COL4A6: variants seen among roughly 807,000 people sequenced by gnomAD.
COL4A6 encodes collagen type IV alpha 6 chain.
A neutral mutation model predicts 126.7 loss-of-function variants in COL4A6; 59 were observed. That is an observed-to-expected ratio of 0.47 (90% CI 0.38 to 0.58). The LOEUF is 0.58. Ranked by LOEUF, COL4A6 falls within the 20% of genes least tolerant of loss-of-function variation. The pLI is 0.00. For missense variants in COL4A6, 1,285 were observed against 1,337.3 expected, an observed-to-expected ratio of 0.96 and a Z score of 0.61; for synonymous variants, 547 against 496.6, an observed-to-expected ratio of 1.10 and a Z score of -1.35.
chrX:108,272,448 C>T (rs762857701), intron 3 of COL4A6, among the ~76,000 whole-genome samples: 2 of 111,573 alleles, frequency 1.8e-5, no homozygotes, highest in Non-Finnish European at 3.8e-5. Flanking sequence ...AAACCACTTC[C>T]TTTGCCTAAA....
At position 108,437,914 on chromosome X, in the gene COL4A6, C is replaced by T. The variant is rs371880434; in HGVS notation, c.63+28G>A. ...TGGTTAGAGGGTCAAAGGAGGGGGA[C>T]GGAAAAGGGTCGTGAGAAGAGACTC... On this transcript the variant is annotated intron_variant, in intron 2 of 44. Coordinates refer to ENST00000334504, the MANE Select transcript of COL4A6 (RefSeq NM_033641.4). The T allele has an allele frequency of 3.2e-5, 39 of 1,206,146 alleles. No homozygotes were observed. The African/African-American group carries it at 6.0e-4, about 19-fold the overall frequency.
chrX:108,222,629 AG>A (rs1298424320), intron 3 of COL4A6, among the ~76,000 whole-genome samples: 1 of 111,768 alleles, frequency 8.9e-6, no homozygotes, highest in Non-Finnish European at 1.9e-5. Flanking sequence ...AGGAAGTAAA[AG>A]ATGCTCTGTC....
At chrX:108,434,053 C>A (rs1050262579) in intron 2 of COL4A6, among the ~76,000 whole-genome samples, 1 of 111,857 alleles carries the variant, frequency 8.9e-6, no homozygotes, top group Non-Finnish European at 1.9e-5. Context: ...ATACTTTACT[C>A]CAGTCATATG....
intron 3 of COL4A6, among the ~76,000 whole-genome samples, chrX:108,277,753 G>C (rs2037657838): frequency 8.9e-6 from 1 of 111,847 alleles, no homozygotes; most frequent in African/African-American, 3.3e-5. Context: ...AGCAGGGGCA[G>C]ACTGACACCT....
At chrX:108,367,799 C>G (rs2040237846) in intron 2 of COL4A6, among the ~76,000 whole-genome samples, 1 of 111,253 alleles carries the variant, frequency 9.0e-6, no homozygotes, top group African/African-American at 3.3e-5. Flanking sequence ...AAACAATTAT[C>G]AGTACTACTA....
intron 14 of COL4A6, among the ~76,000 whole-genome samples, chrX:108,196,190 C>T (rs1195157821): frequency 1.8e-5 from 2 of 110,888 alleles, no homozygotes; most frequent in Admixed American, 9.6e-5. Flanking sequence ...GAAAGCAAGG[C>T]AACACTTGCC....
chrX:108,168,444 G>A (rs1023411039), intron 37 of COL4A6, among the ~76,000 whole-genome samples: 1 of 111,988 alleles, frequency 8.9e-6, no homozygotes, highest in Non-Finnish European at 1.9e-5. Context: ...ATAGTCCCTC[G>A]GAAACATACA....
chrX:108,361,104 C>T (rs145066317), intron 2 of COL4A6, among the ~76,000 whole-genome samples: 1,622 of 110,960 alleles, frequency 0.015, 23 homozygotes, highest in African/African-American at 0.051. Context: ...CCCCATGACC[C>T]CTCCATGCAA....
rs186189661 is a variant in COL4A6, at chrX:108,213,907, G to C, written c.441+205C>G. ...ATTAAAAAAAAGGCAACCCTAAGCA[G>C]TGTAGCATGTGCACACCCCACTGCA... is the stretch of plus-strand genomic sequence containing the variant. On this transcript the variant is annotated intron_variant, in intron 6 of 44. Coordinates refer to ENST00000334504, the MANE Select transcript of COL4A6 (RefSeq NM_033641.4). The C allele has an allele frequency of 4.7e-5, 19 of 401,639 alleles. No individual in the cohort carries two copies. The East Asian group carries it at 7.3e-4, about 15-fold the overall frequency. The allele number at this position is 401,639 out of a possible 1,213,427, so 33.1% of individuals were successfully genotyped here. A position where few individuals can be genotyped will look rare whatever the true frequency, so the allele number is the denominator to read the frequency against.
intron 2 of COL4A6, among the ~76,000 whole-genome samples, chrX:108,366,346 A>G (rs1473753385): frequency 8.9e-6 from 1 of 112,052 alleles, no homozygotes; most frequent in Non-Finnish European, 1.9e-5. Context: ...TACCACTGCA[A>G]AGTGATTTTG....
intron 23 of COL4A6, among the ~76,000 whole-genome samples, chrX:108,184,462 G>A (rs988998726): frequency 5.4e-5 from 6 of 111,308 alleles, no homozygotes; most frequent in African/African-American, 1.3e-4. Flanking sequence ...TCTCTTTCTC[G>A]GGAGACTGGG....
At chrX:108,324,708 C>CT (rs1246635075) in intron 2 of COL4A6, among the ~76,000 whole-genome samples, 8 of 112,050 alleles carry the variant, frequency 7.1e-5, no homozygotes, top group African/African-American at 2.6e-4. Context: ...TGTTAATTAT[C>CT]TACAAGGCTT....
chrX:108,180,472 T>C (rs377292648), intron 25 of COL4A6, 43 bp downstream of exon 25: 6 of 955,762 alleles, frequency 6.3e-6, no homozygotes, highest in East Asian at 3.3e-5. Context: ...CACACACACA[T>C]ACACACAAAG....
intron 2 of COL4A6, among the ~76,000 whole-genome samples, chrX:108,395,284 A>G (rs768686525): frequency 1.7e-4 from 19 of 111,901 alleles, no homozygotes; most frequent in African/African-American, 5.2e-4. Context: ...GGAGCATCAG[A>G]TTCTGACTCA....
intron 2 of COL4A6, among the ~76,000 whole-genome samples, chrX:108,325,900 T>C (rs940956408): frequency 1.8e-5 from 2 of 110,984 alleles, no homozygotes; most frequent in Admixed American, 9.6e-5. Flanking sequence ...CAAAGCAAAC[T>C]AGAAATAGAA....
intron 2 of COL4A6, among the ~76,000 whole-genome samples, chrX:108,382,999 A>G (rs890102369): frequency 9.4e-6 from 1 of 106,037 alleles, no homozygotes; most frequent in African/African-American, 3.4e-5. Flanking sequence ...TAATAATAAT[A>G]ATAAACCCTT....
At chrX:108,408,209 G>A (rs2041245259) in intron 2 of COL4A6, among the ~76,000 whole-genome samples, 1 of 111,320 alleles carries the variant, frequency 9.0e-6, no homozygotes, top group South Asian at 3.8e-4. Flanking sequence ...CTACTCGGGA[G>A]GGAGGCTGAG....
intron 3 of COL4A6, among the ~76,000 whole-genome samples, chrX:108,229,480 C>T (rs1011778349): frequency 2.7e-5 from 3 of 111,797 alleles, no homozygotes; most frequent in Non-Finnish European, 5.6e-5. Context: ...TGGGCTTCAG[C>T]TCCGGAGTTT....
chrX:108,268,332 A>C (rs1265262832), intron 3 of COL4A6: 1 of 112,542 alleles, frequency 8.9e-6, no homozygotes, highest in East Asian at 2.8e-4. Context: ...ATAATGACTA[A>C]TATTTATTTA....
Sources: allele counts gnomAD v4.1 joint callset (sites outside exome capture counted in the v4.1 genomes callset), GRCh38; gene constraint gnomAD v4.1.1; transcripts MANE v1.5; gene names NCBI Gene and HGNC (gene_info 2026-07-23, HGNC 2026-07-21).